Variants in RAPGEF5 observed in about 807,000 individuals in gnomAD.
RAPGEF5 encodes the protein M-Ras-regulated GEF.
A neutral mutation model predicts 125.2 loss-of-function variants in RAPGEF5; 65 were observed. The observed-to-expected ratio is 0.52, with a 90% CI of 0.43 to 0.64. RAPGEF5 has a LOEUF of 0.64. Among genes scored for constraint, RAPGEF5 ranks in the 30% least tolerant of loss-of-function variants. RAPGEF5 has a pLI of 0.00. For missense variants in RAPGEF5, 958 were observed against 1,048.1 expected, an observed-to-expected ratio of 0.91 and a Z score of 1.19; for synonymous variants, 391 against 385.9, an observed-to-expected ratio of 1.01 and a Z score of -0.16.
At chr7:22,319,956 C>T (rs1271389431) in intron 1 of RAPGEF5, among the ~76,000 whole-genome samples, 2 of 152,144 alleles carry the variant, frequency 1.3e-5, no homozygotes, top group Non-Finnish European at 2.9e-5. Flanking sequence ...ACTCGTGTTA[C>T]ACTCACACAA....
At chr7:22,266,518 A>C (rs1302504646) in intron 7 of RAPGEF5, among the ~76,000 whole-genome samples, 1 of 152,164 alleles carries the variant, frequency 6.6e-6, no homozygotes, top group Non-Finnish European at 1.5e-5. Flanking sequence ...GTTTGCTTTG[A>C]AATCTCATTA....
chr7:22,208,822 A>G (rs1583483289), intron 9 of RAPGEF5, among the ~76,000 whole-genome samples: 1 of 152,342 alleles, frequency 6.6e-6, no homozygotes, highest in Middle Eastern at 3.4e-3. Flanking sequence ...GTTCTTCTCC[A>G]AAGATTCTAG....
At chr7:22,206,623 T>C (rs75836322) in intron 9 of RAPGEF5, among the ~76,000 whole-genome samples, 1,589 of 148,416 alleles carry the variant, frequency 0.011, 33 homozygotes, top group African/African-American at 0.038. Flanking sequence ...GGATTGTGGC[T>C]GCAGTGAGTT....
chr7:22,200,053 T>C (rs1226333970), intron 9 of RAPGEF5, among the ~76,000 whole-genome samples: 1 of 152,150 alleles, frequency 6.6e-6, no homozygotes, highest in Non-Finnish European at 1.5e-5. Flanking sequence ...CTCTCCTAAA[T>C]AGGAAGAGGG....
intron 7 of RAPGEF5, among the ~76,000 whole-genome samples, chr7:22,255,157 C>CA (rs1786725465): frequency 1.3e-5 from 2 of 152,040 alleles, no homozygotes; most frequent in African/African-American, 4.8e-5. Flanking sequence ...ATTATAAGGT[C>CA]ATATAGGATA....
chr7:22,290,900 G>T (rs995617675), intron 6 of RAPGEF5, among the ~76,000 whole-genome samples: 1 of 151,740 alleles, frequency 6.6e-6, no homozygotes, highest in Non-Finnish European at 1.5e-5. Context: ...CTAGGTTAAC[G>T]CATACTGTAT....
At chr7:22,296,667 G>C (rs1357509361) in intron 5 of RAPGEF5, among the ~76,000 whole-genome samples, 1 of 152,212 alleles carries the variant, frequency 6.6e-6, no homozygotes, top group African/African-American at 2.4e-5. Flanking sequence ...AAAGCTAGCA[G>C]GTAAGTTCTC....
chr7:22,334,809 A>G (rs972220146), intron 1 of RAPGEF5, among the ~76,000 whole-genome samples: 6 of 152,212 alleles, frequency 3.9e-5, no homozygotes, highest in Non-Finnish European at 1.5e-5. Context: ...GAAACCCTGG[A>G]TAGCTGGATC....
chr7:22,337,016 T>A (rs1784039253), intron 1 of RAPGEF5, among the ~76,000 whole-genome samples: 1 of 152,180 alleles, frequency 6.6e-6, no homozygotes, highest in African/African-American at 2.4e-5. Context: ...CCCAACATGT[T>A]CATCTTGCCT....
At chr7:22,279,329 C>T (rs1387307890) in intron 6 of RAPGEF5, among the ~76,000 whole-genome samples, 1 of 152,138 alleles carries the variant, frequency 6.6e-6, no homozygotes, top group Admixed American at 6.5e-5. Context: ...CTTGATATTT[C>T]TTCTAATCCA....
intron 1 of RAPGEF5, among the ~76,000 whole-genome samples, chr7:22,326,969 C>T (rs73282286): frequency 0.23 from 35,295 of 152,064 alleles, 4,159 homozygotes; most frequent in East Asian, 0.35. Flanking sequence ...AAGTTGTATA[C>T]ATTACATATG....
At position 22,277,363 on chromosome 7, in the gene RAPGEF5, G is replaced by T. The variant is rs974195267; in HGVS notation, c.748-10351C>A. 3.7e-4 allele frequency among the ~76,000 whole-genome samples: 57 copies of T among 152,138 alleles called. 1 individual carries two copies. The highest frequency in any genetic ancestry group is 1.2e-3 in the African/African-American group (50 of 41,446). On this transcript the variant is annotated intron_variant, in intron 6 of 25. Transcript: ENST00000665637. Reference sequence around the variant, plus strand: ...AATTCAAATCCAAATTCAAATTCTTGTATTTAACAAGAAATGTGCATTAGT... The same window carrying T: ...AATTCAAATCCAAATTCAAATTCTTTTATTTAACAAGAAATGTGCATTAGT...
At chr7:22,269,307 A>G (rs1054946173) in intron 6 of RAPGEF5, among the ~76,000 whole-genome samples, 1 of 152,014 alleles carries the variant, frequency 6.6e-6, no homozygotes, top group Non-Finnish European at 1.5e-5. Context: ...CAGCATCTTC[A>G]CAGTTCTTTT....
rs1369648364 is a variant in RAPGEF5 at position 22,162,429 on chromosome 7, G to T, written c.1396C>A (p.Pro466Thr). 1.9e-6 allele frequency: 3 copies of T among 1,596,402 alleles called. No individual in the cohort carries two copies. The African/African-American group carries it at 4.0e-5, about 21-fold the overall frequency. Residue 466 changes from proline (P) to threonine (T), a missense_variant, in exon 13 of 26, where the codon CCT becomes ACT. Transcript: ENST00000665637. ...AACATTTTTGAATGTTCATCTTCAG[G>T]TAACCAGTCTTTGTACAGAGCAATC... is the stretch of plus-strand genomic sequence containing the variant. Reference protein sequence around the residue: ...QWIALYKDWLPEDEHSKMFLK... With the variant: ...QWIALYKDWLTEDEHSKMFLK...
In RAPGEF5 at chr7:22,251,775, C is replaced by CAAAAAAAAAAA. The variant is rs58681076; in HGVS notation, c.796+15178_796+15188dup. Among the ~76,000 whole-genome samples, 11 of 73,346 alleles carry CAAAAAAAAAAA rather than the reference C, an allele frequency of 1.5e-4. 1 individual carries two copies. Among genetic ancestry groups the CAAAAAAAAAAA allele is most frequent in the African/African-American group, 4.7e-4 (9 of 19,232 alleles). The allele number at this position is 73,346 out of a possible 152,430, so 48.1% of individuals were successfully genotyped here. Reference sequence around the variant, plus strand: ...GAGCCCTGCCAGGAAGTTTCATTGACAAAAAAAAAAAAAAAAAAAAAAAAG... The same window carrying CAAAAAAAAAAA: ...GAGCCCTGCCAGGAAGTTTCATTGACAAAAAAAAAAAAAAAAAAAAAAAAAAAAAAAAAAAG... On this transcript the variant is annotated intron_variant, in intron 7 of 25. Coordinates refer to ENST00000665637, the MANE Select transcript of RAPGEF5 (RefSeq NM_012294.5).
At chr7:22,338,469 T>C (rs977785748) in intron 1 of RAPGEF5, among the ~76,000 whole-genome samples, 2 of 152,228 alleles carry the variant, frequency 1.3e-5, no homozygotes, top group African/African-American at 4.8e-5. Context: ...AACTAAACCA[T>C]AATACAATCA....
chr7:22,231,248 TTCATA>T (rs889509681), intron 7 of RAPGEF5, among the ~76,000 whole-genome samples: 2 of 152,196 alleles, frequency 1.3e-5, no homozygotes, highest in African/African-American at 4.8e-5. Context: ...TTTTATTCAT[TTCATA>T]TAAGAACAGC....
chr7:22,134,349 A>G (rs1269101483), intron 23 of RAPGEF5, among the ~76,000 whole-genome samples: 3 of 152,250 alleles, frequency 2.0e-5, no homozygotes, highest in Admixed American at 6.5e-5. Flanking sequence ...AGCTTCTAAT[A>G]AGAAAATAAC....
intron 1 of RAPGEF5, among the ~76,000 whole-genome samples, chr7:22,347,914 T>A (rs1203007191): frequency 2.0e-5 from 3 of 152,220 alleles, no homozygotes; most frequent in Non-Finnish European, 4.4e-5. Context: ...ACCGAAGCAT[T>A]TGCTATATTT....
Sources: gnomAD v4.1 joint callset for allele counts (sites outside exome capture counted in the v4.1 genomes callset) on GRCh38, gnomAD v4.1.1 for gene constraint, MANE v1.5 for transcripts, NCBI Gene and HGNC (gene_info 2026-07-23, HGNC 2026-07-21) for gene names.